Variants in SHISA6 observed in about 807,000 individuals in gnomAD.
SHISA6 encodes the protein protein shisa-6.
In SHISA6, 22 loss-of-function variants were observed where a neutral mutation model predicts 47.9. The ratio of observed to expected loss-of-function variants is 0.46; its 90% CI spans 0.33 to 0.66. The LOEUF (loss-of-function observed/expected upper bound fraction) is 0.66, where lower values mean the gene tolerates loss of function less well. Among genes scored for constraint, SHISA6 ranks in the 30% least tolerant of loss-of-function variants. The pLI is 0.02. For missense variants in SHISA6, 680 were observed against 764.6 expected, an observed-to-expected ratio of 0.89 and a Z score of 1.30; for synonymous variants, 388 against 337.8, an observed-to-expected ratio of 1.15 and a Z score of -1.63.
At chr17:11,445,953 G>T (rs1039485019) in intron 3 of SHISA6, among the ~76,000 whole-genome samples, 1 of 152,174 alleles carries the variant, frequency 6.6e-6, no homozygotes, top group Non-Finnish European at 1.5e-5. Context: ...TCGGCGTCCT[G>T]AGTAGCTGGG....
intron 2 of SHISA6, among the ~76,000 whole-genome samples, chr17:11,319,753 G>A (rs1261787162): frequency 6.6e-6 from 1 of 152,174 alleles, no homozygotes; most frequent in African/African-American, 2.4e-5. Context: ...ATTCCTTAAA[G>A]TGTTTAGCTA....
intron 3 of SHISA6, among the ~76,000 whole-genome samples, chr17:11,538,308 G>A (rs370699195): frequency 2.0e-5 from 3 of 152,108 alleles, no homozygotes; most frequent in Non-Finnish European, 2.9e-5. Context: ...TGATCCACCC[G>A]CTTCGGCCTC....
chr17:11,494,426 G>A (rs2071391403), intron 3 of SHISA6, among the ~76,000 whole-genome samples: 1 of 152,160 alleles, frequency 6.6e-6, no homozygotes, highest in African/African-American at 2.4e-5. Flanking sequence ...GGTGTAATGT[G>A]CTATTATATT....
chr17:11,487,235 A>G (rs1269106896), intron 3 of SHISA6, among the ~76,000 whole-genome samples: 1 of 152,220 alleles, frequency 6.6e-6, no homozygotes, highest in Non-Finnish European at 1.5e-5. Context: ...GGCACCTGAC[A>G]GCCCCAAAGA....
At position 11,241,755 on chromosome 17, in the gene SHISA6, C is replaced by T. The variant is rs1907354781; in HGVS notation, c.333C>T (p.Asn111=). Residue 111 remains asparagine (N), a synonymous_variant, in exon 1 of 6, where the codon AAC becomes AAT. Transcript: ENST00000441885. The surrounding 1 kb of genome is among the most constrained non-coding windows in gnomAD (Gnocchi z 5.5). ...AGTACGACAAGGAGTTCGAGTGTAA[C>T]AACAGCGAGAGCGGCTACCTGTACT... ...SGQYDKEFEC[N]NSESGYLYCC... 6.5e-7 allele frequency: 1 copy of T among 1,547,454 alleles called. No homozygotes were observed.
At chr17:11,308,398 A>G (rs917116224) in intron 2 of SHISA6, among the ~76,000 whole-genome samples, 3 of 140,718 alleles carry the variant, frequency 2.1e-5, no homozygotes, top group Admixed American at 1.4e-4. Context: ...GTGCACAGGA[A>G]TGCAGCAAAT....
At chr17:11,383,100 G>T (rs541714362) in intron 3 of SHISA6, among the ~76,000 whole-genome samples, 59 of 151,984 alleles carry the variant, frequency 3.9e-4, no homozygotes, top group Admixed American at 2.0e-3. Context: ...ACCTTGCCTG[G>T]TTAATTTTTG....
At chr17:11,516,511 G>C (rs1483127802) in intron 3 of SHISA6, among the ~76,000 whole-genome samples, 1 of 152,126 alleles carries the variant, frequency 6.6e-6, no homozygotes, top group Non-Finnish European at 1.5e-5. Flanking sequence ...CTGATGTGCT[G>C]GTAGACAAGC....
chr17:11,263,097 A>G (rs1488534046), intron 1 of SHISA6, among the ~76,000 whole-genome samples: 1 of 152,196 alleles, frequency 6.6e-6, no homozygotes, highest in East Asian at 1.9e-4. Flanking sequence ...CAGTATTTTG[A>G]AAGGGCTCAG....
At chr17:11,435,560 G>A (rs892484378) in intron 3 of SHISA6, among the ~76,000 whole-genome samples, 5 of 152,140 alleles carry the variant, frequency 3.3e-5, no homozygotes, top group African/African-American at 1.2e-4. Context: ...CAGTCATAAA[G>A]TCATCTTTGT....
chr17:11,273,883 G>A (rs758431), intron 2 of SHISA6, among the ~76,000 whole-genome samples: 145,453 of 152,306 alleles, frequency 0.96, 69,733 homozygotes, highest in East Asian at 1. Flanking sequence ...TCACCATTCT[G>A]TTCTCAGTGC....
chr17:11,298,465 A>G (rs1241038870), intron 2 of SHISA6, among the ~76,000 whole-genome samples: 3 of 152,204 alleles, frequency 2.0e-5, no homozygotes, highest in Non-Finnish European at 4.4e-5. Context: ...AGGTGAGTAT[A>G]CCAAAGAGAA....
At chr17:11,372,887 C>T (rs1912673733) in intron 2 of SHISA6, among the ~76,000 whole-genome samples, 1 of 152,084 alleles carries the variant, frequency 6.6e-6, no homozygotes, top group Non-Finnish European at 1.5e-5. Flanking sequence ...TTCAAGCAGG[C>T]TCTAAAGATG....
chr17:11,307,268 C>T (rs1567567665), intron 2 of SHISA6, among the ~76,000 whole-genome samples: 1 of 151,758 alleles, frequency 6.6e-6, no homozygotes, highest in East Asian at 1.9e-4. Flanking sequence ...AATGCAGTGG[C>T]TCTATTGAGA....
intron 3 of SHISA6, among the ~76,000 whole-genome samples, chr17:11,485,406 T>C (rs1199040085): frequency 2.0e-5 from 3 of 152,188 alleles, no homozygotes; most frequent in Non-Finnish European, 4.4e-5. Flanking sequence ...TGCATGCTCA[T>C]GTAACGGGGA....
At chr17:11,437,731 A>G (rs926037533) in intron 3 of SHISA6, among the ~76,000 whole-genome samples, 3 of 152,172 alleles carry the variant, frequency 2.0e-5, no homozygotes, top group African/African-American at 4.8e-5. Context: ...CTTTAATGCC[A>G]TGTGTTTCTC....
chr17:11,309,078 C>G (rs747777682), intron 2 of SHISA6, among the ~76,000 whole-genome samples: 4 of 152,202 alleles, frequency 2.6e-5, no homozygotes, highest in African/African-American at 9.6e-5. Context: ...AATCCTCCTC[C>G]CTCAGCCTCC....
intron 3 of SHISA6, among the ~76,000 whole-genome samples, chr17:11,498,123 T>G (rs549995872): frequency 1.3e-5 from 2 of 152,290 alleles, no homozygotes; most frequent in Admixed American, 6.5e-5. Flanking sequence ...CCTACCTCAA[T>G]AGAATCCACA....
intron 2 of SHISA6, among the ~76,000 whole-genome samples, chr17:11,376,688 A>G (rs1912813463): frequency 6.6e-6 from 1 of 152,078 alleles, no homozygotes. Context: ...TAAACTTTGG[A>G]GGCTACAGAG....
Sources: allele counts gnomAD v4.1 joint callset (sites outside exome capture counted in the v4.1 genomes callset), GRCh38; gene constraint gnomAD v4.1.1; non-coding constraint Gnocchi (gnomAD v3.1); transcripts MANE v1.5; gene names NCBI Gene and HGNC (gene_info 2026-07-23, HGNC 2026-07-21).